Variants in PTPRN2 observed in about 807,000 individuals in gnomAD.
The protein encoded by PTPRN2 is receptor-type tyrosine-protein phosphatase N2.
In PTPRN2, 74 loss-of-function variants were observed where a neutral mutation model predicts 118.8. The ratio of observed to expected loss-of-function variants is 0.62; its 90% CI spans 0.52 to 0.76. The LOEUF is 0.76. Among genes scored for constraint, PTPRN2 ranks in the 30% least tolerant of loss-of-function variants. The probability of loss-of-function intolerance (pLI) is 0.00; values close to 1 mark genes in which losing one functional copy is unlikely to be tolerated. For missense variants in PTPRN2, 1,481 were observed against 1,394.4 expected, an observed-to-expected ratio of 1.06 and a Z score of -0.99; for synonymous variants, 641 against 608.0, an observed-to-expected ratio of 1.05 and a Z score of -0.80.
chr7:157,889,885 C>T (rs543228908), intron 12 of PTPRN2, among the ~76,000 whole-genome samples: 1 of 152,342 alleles, frequency 6.6e-6, no homozygotes, highest in Non-Finnish European at 1.5e-5. Context: ...CTGCCACCAT[C>T]AACCCCATAA....
chr7:158,334,425 C>G (rs1805162936), intron 2 of PTPRN2, among the ~76,000 whole-genome samples: 1 of 69,132 alleles, frequency 1.4e-5, no homozygotes, highest in Non-Finnish European at 3.1e-5. Context: ...CTGCAGACGT[C>G]ACTCACACCC....
chr7:157,898,556 G>A, intron 12 of PTPRN2, 117 bp downstream of exon 12: 1 of 1,089,356 alleles, frequency 9.2e-7, no homozygotes, highest in Non-Finnish European at 1.4e-6. Flanking sequence ...GTCCTCCCAG[G>A]AAAACAGGAC....
intron 2 of PTPRN2, among the ~76,000 whole-genome samples, chr7:158,387,901 C>T (rs543869227): frequency 6.6e-6 from 1 of 152,284 alleles, no homozygotes; most frequent in South Asian, 2.1e-4. Flanking sequence ...CCGCCAGGCC[C>T]CCAATCGGTG....
rs373308531 is a variant in PTPRN2 at position 157,603,688 on chromosome 7, G to A, written c.2418+314C>T. On this transcript the variant is annotated intron_variant, in intron 16 of 22. Coordinates refer to ENST00000389418, the MANE Select transcript of PTPRN2 (RefSeq NM_002847.5). This position sits in a 1 kb window ranked among gnomAD's most constrained non-coding sequence, Gnocchi z 5.4. Reference sequence around the variant, plus strand: ...ATGTGTAGCTCCAGGAAAGAGGAACGGCACCCACTACGAACCTCTCCTAAA... The same window carrying A: ...ATGTGTAGCTCCAGGAAAGAGGAACAGCACCCACTACGAACCTCTCCTAAA... Among the ~76,000 whole-genome samples, 36 of 152,218 alleles carry A rather than the reference G, an allele frequency of 2.4e-4. No individual in the cohort carries two copies. The highest frequency in any genetic ancestry group is 3.4e-3 in the Middle Eastern group (1 of 294).
chr7:157,579,655 T>C (rs536838848), intron 17 of PTPRN2, among the ~76,000 whole-genome samples: 1 of 152,260 alleles, frequency 6.6e-6, no homozygotes, highest in African/African-American at 2.4e-5. Context: ...TCATTGGCTC[T>C]CGCGTCCGCC....
intron 11 of PTPRN2, among the ~76,000 whole-genome samples, chr7:157,943,308 G>A (rs1178809191): frequency 1.3e-5 from 2 of 152,132 alleles, no homozygotes; most frequent in Admixed American, 6.5e-5. Flanking sequence ...GACCCCCAGA[G>A]GGTCTCAGGG....
chr7:158,031,994 G>A (rs1051389758), intron 11 of PTPRN2, among the ~76,000 whole-genome samples: 27 of 152,202 alleles, frequency 1.8e-4, no homozygotes, highest in Admixed American at 2.6e-4. Context: ...ATGGTGAGCA[G>A]CCCAGCTCTC....
At chr7:158,157,975 A>C (rs1379143332) in intron 6 of PTPRN2, among the ~76,000 whole-genome samples, 1 of 152,172 alleles carries the variant, frequency 6.6e-6, no homozygotes, top group Non-Finnish European at 1.5e-5. Flanking sequence ...ATCCGAGATT[A>C]ACAATTTATC....
intron 9 of PTPRN2, among the ~76,000 whole-genome samples, chr7:158,133,284 G>A (rs1818524814): frequency 6.6e-6 from 1 of 152,220 alleles, no homozygotes; most frequent in Admixed American, 6.5e-5. Context: ...CGCGGGCCGT[G>A]CTCAGGCTTT....
Position 157,585,638 on chromosome 7 carries a change from G to A in PTPRN2, c.2497-7498C>T, listed in dbSNP as rs570526158. Among the ~76,000 whole-genome samples, 30 of 152,342 alleles carry A rather than the reference G, an allele frequency of 2.0e-4. No homozygotes were observed. Among genetic ancestry groups the A allele is most frequent in the African/African-American group, 6.0e-4 (25 of 41,572 alleles). On this transcript the variant is annotated intron_variant, in intron 17 of 22. Transcript: ENST00000389418. This position sits in a 1 kb window ranked among gnomAD's most constrained non-coding sequence, Gnocchi z 5.2. ...ACGTTCCCGGTTAAATATGCGCCTGGTCTCCTTGCGGGGAGCTGCTGCACT... is the reference window on the plus strand; with the variant it reads ...ACGTTCCCGGTTAAATATGCGCCTGATCTCCTTGCGGGGAGCTGCTGCACT...
At chr7:158,260,983 G>A (rs1019981458) in intron 3 of PTPRN2, among the ~76,000 whole-genome samples, 5 of 152,276 alleles carry the variant, frequency 3.3e-5, no homozygotes, top group Middle Eastern at 3.4e-3. Context: ...GGTCAGCTCA[G>A]CCCTCAGAGC....
chr7:157,900,657 T>A (rs1797387344), intron 11 of PTPRN2, among the ~76,000 whole-genome samples: 1 of 152,208 alleles, frequency 6.6e-6, no homozygotes, highest in Non-Finnish European at 1.5e-5. Context: ...AGCTCCTCAG[T>A]CTGACGAAAA....
At chr7:158,146,956 G>C (rs1585617495) in intron 6 of PTPRN2, among the ~76,000 whole-genome samples, 2 of 145,090 alleles carry the variant, frequency 1.4e-5, no homozygotes, top group East Asian at 2.0e-4. Flanking sequence ...CCCCCTCAAT[G>C]ACACCCCATC....
At chr7:158,085,702 A>G (rs1585387202) in intron 10 of PTPRN2, among the ~76,000 whole-genome samples, 1 of 102,336 alleles carries the variant, frequency 9.8e-6, no homozygotes, top group Non-Finnish European at 1.9e-5. Context: ...CCACACAGAT[A>G]CCCATCCACA....
intron 1 of PTPRN2, among the ~76,000 whole-genome samples, chr7:158,495,710 C>T (rs1190939827): frequency 6.6e-6 from 1 of 152,180 alleles, no homozygotes; most frequent in African/African-American, 2.4e-5. Context: ...CATTAAGAAC[C>T]CCTATTCTAG....
intron 2 of PTPRN2, among the ~76,000 whole-genome samples, chr7:158,348,241 C>T (rs974901566): frequency 2.0e-5 from 3 of 152,026 alleles, no homozygotes; most frequent in Non-Finnish European, 2.9e-5. Flanking sequence ...CTGCAGATCC[C>T]GGCCACTGTG....
intron 10 of PTPRN2, among the ~76,000 whole-genome samples, chr7:158,082,537 C>G (rs894468004): frequency 1.3e-5 from 2 of 152,226 alleles, no homozygotes; most frequent in Non-Finnish European, 2.9e-5. Context: ...CAATTACCAT[C>G]CTAACACCAT....
rs28759227 is a variant in PTPRN2 at position 158,407,578 on chromosome 7, C to G, written c.163+82157G>C. Among the ~76,000 whole-genome samples the G allele has an allele frequency of 2.3e-3, 17 of 7,352 alleles. 1 individual carries two copies. Among genetic ancestry groups the G allele is most frequent in the East Asian group, 9.4e-3 (3 of 320 alleles). The allele number at this position is 7,352 out of a possible 152,430, so 4.8% of individuals were successfully genotyped here. A position where few individuals can be genotyped will look rare whatever the true frequency, so the allele number is the denominator to read the frequency against. On this transcript the variant is annotated intron_variant, in intron 2 of 22. Transcript: ENST00000389418. The stretch of plus-strand genomic sequence containing the variant: ...CCTGGGTCCTGTGTCCTGGGTCCTG[C>G]GTCCTGGGTCCTGGGTCCTGCGTCC...
At chr7:158,330,996 T>C (rs1284470259) in intron 2 of PTPRN2, among the ~76,000 whole-genome samples, 8 of 120,174 alleles carry the variant, frequency 6.7e-5, no homozygotes, top group South Asian at 3.2e-4. Context: ...CCATAAGAGC[T>C]GACACCCGCA....
Sources: gnomAD v4.1 joint callset for allele counts (sites outside exome capture counted in the v4.1 genomes callset) on GRCh38, gnomAD v4.1.1 for gene constraint, Gnocchi (gnomAD v3.1) non-coding constraint, MANE v1.5 for transcripts, NCBI Gene and HGNC (gene_info 2026-07-23, HGNC 2026-07-21) for gene names.